Variants in CACNG2 observed in about 807,000 individuals in gnomAD.
CACNG2 encodes the protein voltage-dependent calcium channel gamma-2 subunit.
A neutral mutation model predicts 25.9 loss-of-function variants in CACNG2; 3 were observed. The observed-to-expected ratio is 0.12, with a 90% CI of 0.05 to 0.30. CACNG2 has a LOEUF of 0.30. CACNG2 is among the 10% of genes least tolerant of loss of function. CACNG2 has a pLI of 1.00. For synonymous variants in CACNG2, 167 were observed against 173.3 expected, an observed-to-expected ratio of 0.96 and a Z score of 0.29; for missense variants, 341 against 432.5, an observed-to-expected ratio of 0.79 and a Z score of 1.88.
chr22:36,594,899 TGTGTGTGTGC>T (rs1488938499), intron 1 of CACNG2, among the ~76,000 whole-genome samples: 3 of 150,854 alleles, frequency 2.0e-5, no homozygotes, highest in Middle Eastern at 3.5e-3. Flanking sequence ...TGTACATGGG[TGTGTGTGTGC>T]ATGTGTGTGT....
At chr22:36,577,392 C>A (rs901211392) in intron 2 of CACNG2, among the ~76,000 whole-genome samples, 3 of 152,088 alleles carry the variant, frequency 2.0e-5, no homozygotes, top group Admixed American at 6.5e-5. Context: ...TGGTTCACAC[C>A]TGTAATCCCA....
intron 1 of CACNG2, among the ~76,000 whole-genome samples, chr22:36,593,383 G>A (rs965019229): frequency 2.0e-5 from 3 of 152,184 alleles, no homozygotes; most frequent in South Asian, 2.1e-4. Flanking sequence ...GCGGCCATGA[G>A]GGAGTCGGAC....
chr22:36,671,215 C>A (rs1377569788), intron 1 of CACNG2, among the ~76,000 whole-genome samples: 1 of 152,176 alleles, frequency 6.6e-6, no homozygotes, highest in Non-Finnish European at 1.5e-5. Flanking sequence ...CTGCACCCAG[C>A]CAATCTCTTT....
chr22:36,689,534 G>A (rs371787518), intron 1 of CACNG2, among the ~76,000 whole-genome samples: 4 of 152,162 alleles, frequency 2.6e-5, no homozygotes, highest in African/African-American at 9.7e-5. Flanking sequence ...AGTTAATTCA[G>A]GTCTGACCAT....
At chr22:36,588,668 A>C (rs1935541976) in intron 1 of CACNG2, among the ~76,000 whole-genome samples, 1 of 152,156 alleles carries the variant, frequency 6.6e-6, no homozygotes, top group African/African-American at 2.4e-5. Context: ...CAGTGTCCTC[A>C]CCTGAGAGTG....
At chr22:36,692,531 C>T (rs532563329) in intron 1 of CACNG2, among the ~76,000 whole-genome samples, 2 of 152,370 alleles carry the variant, frequency 1.3e-5, no homozygotes, top group East Asian at 1.9e-4. Context: ...GCAGGGGAAA[C>T]ACCTGCTTGT....
intron 2 of CACNG2, among the ~76,000 whole-genome samples, chr22:36,583,787 G>T (rs1569020416): frequency 6.6e-6 from 1 of 152,102 alleles, no homozygotes; most frequent in East Asian, 1.9e-4. Context: ...CAGCCAGGCT[G>T]ATGTGTCTAA....
At chr22:36,676,123 TATCTCTTAGG>T (rs1937017147) in intron 1 of CACNG2, among the ~76,000 whole-genome samples, 1 of 152,198 alleles carries the variant, frequency 6.6e-6, no homozygotes, top group Admixed American at 6.5e-5. Flanking sequence ...CCCACAGCGC[TATCTCTTAGG>T]AGGGCCAGCC....
Position 36,565,463 on chromosome 22 carries a change from C to G in CACNG2, c.437-577G>C, listed in dbSNP as rs537028398. Reference sequence around the variant, plus strand: ...TTAAATGGGTGAATACATGTGAGTACTCTTAGATGTTGGTGGTTCCTTTTT... The same window carrying G: ...TTAAATGGGTGAATACATGTGAGTAGTCTTAGATGTTGGTGGTTCCTTTTT... On this transcript the variant is annotated intron_variant, in intron 3 of 3. Coordinates refer to ENST00000300105, the MANE Select transcript of CACNG2 (RefSeq NM_006078.5). 2.0e-5 allele frequency among the ~76,000 whole-genome samples: 3 copies of G among 151,274 alleles called. No homozygotes were observed. The South Asian group carries it at 6.3e-4, about 32-fold the overall frequency.
At chr22:36,643,482 A>G (rs62228790) in intron 1 of CACNG2, among the ~76,000 whole-genome samples, 10,482 of 46,118 alleles carry the variant, frequency 0.23, 408 homozygotes, top group East Asian at 0.47. Flanking sequence ...CTGTCTATCT[A>G]TCTATCTATC....
In CACNG2 at chr22:36,621,690, A is replaced by G. The variant is rs1281963918; in HGVS notation, c.212-34142T>C. 7.9e-5 allele frequency among the ~76,000 whole-genome samples: 12 copies of G among 152,106 alleles called. 1 individual carries two copies. The South Asian group carries it at 2.5e-3, about 32-fold the overall frequency. On this transcript the variant is annotated intron_variant, in intron 1 of 3. Coordinates refer to ENST00000300105, the MANE Select transcript of CACNG2 (RefSeq NM_006078.5). ...CCTCTTGCCTTTCTGTTGCATGCAC[A>G]CACAGGCACTGTAGCACATACTCCC...
rs1569049750 is a variant in CACNG2, at chr22:36,679,163, TTCC to T, written c.211+23200_211+23202del. Among the ~76,000 whole-genome samples, 4 of 110,370 alleles carry T rather than the reference TTCC, an allele frequency of 3.6e-5. No homozygotes were observed. The East Asian group carries it at 1.0e-3, about 28-fold the overall frequency. The allele number at this position is 110,370 out of a possible 152,430, so 72.4% of individuals were successfully genotyped here. ...CTTCCTTCCTTCCTTCCTTCCTTCC[TTCC>T]TTCCTTCCTTCCTTCCTTCCTTCCT... is the stretch of plus-strand genomic sequence containing the variant. On this transcript the variant is annotated intron_variant, in intron 1 of 3. Coordinates refer to ENST00000300105, the MANE Select transcript of CACNG2 (RefSeq NM_006078.5).
In CACNG2 at chr22:36,659,500, TG is replaced by T. The variant is rs1936757189; in HGVS notation, c.211+42865del. Among the ~76,000 whole-genome samples the T allele has an allele frequency of 5.3e-5, 8 of 152,214 alleles. No individual in the cohort carries two copies. The South Asian group carries it at 1.5e-3, about 28-fold the overall frequency. Reference sequence around the variant, plus strand: ...AGGCAAATTACCTTGCCCAAGTTCATGAATCCAGGAAGGGTATGCCGTGGAG... The same window carrying T: ...AGGCAAATTACCTTGCCCAAGTTCATAATCCAGGAAGGGTATGCCGTGGAG... On this transcript the variant is annotated intron_variant, in intron 1 of 3. Transcript: ENST00000300105.
chr22:36,659,763 G>A (rs1269989379), intron 1 of CACNG2, among the ~76,000 whole-genome samples: 2 of 152,110 alleles, frequency 1.3e-5, no homozygotes, highest in Non-Finnish European at 2.9e-5. Context: ...TCAAATGCCA[G>A]CCTGTGCCAA....
At chr22:36,678,705 T>C (rs1372864551) in intron 1 of CACNG2, among the ~76,000 whole-genome samples, 1 of 147,774 alleles carries the variant, frequency 6.8e-6, no homozygotes, top group Admixed American at 6.8e-5. Flanking sequence ...TCCCCCTCCA[T>C]TTCCCCACGA....
intron 1 of CACNG2, among the ~76,000 whole-genome samples, chr22:36,647,377 C>A (rs1317444699): frequency 1.3e-5 from 2 of 152,116 alleles, no homozygotes; most frequent in Admixed American, 6.5e-5. Context: ...AGGTGGATCA[C>A]CTGAGGTCAA....
intron 1 of CACNG2, among the ~76,000 whole-genome samples, chr22:36,680,548 A>G (rs1937098529): frequency 7.5e-6 from 1 of 133,268 alleles, no homozygotes; most frequent in Non-Finnish European, 1.6e-5. Context: ...TCATGGTTAC[A>G]ATTACTACCA....
intron 1 of CACNG2, among the ~76,000 whole-genome samples, chr22:36,611,761 T>A (rs1243691380): frequency 6.6e-6 from 1 of 152,160 alleles, no homozygotes; most frequent in Non-Finnish European, 1.5e-5. Context: ...GTCTGTTCTG[T>A]CTGGTCAGGA....
At chr22:36,674,381 T>A (rs1296716702) in intron 1 of CACNG2, among the ~76,000 whole-genome samples, 1 of 152,144 alleles carries the variant, frequency 6.6e-6, no homozygotes, top group Non-Finnish European at 1.5e-5. Context: ...CAGGCTGGAG[T>A]GTAGTGGCAC....
Sources: allele counts gnomAD v4.1 joint callset (sites outside exome capture counted in the v4.1 genomes callset), GRCh38; gene constraint gnomAD v4.1.1; transcripts MANE v1.5; gene names NCBI Gene and HGNC (gene_info 2026-07-23, HGNC 2026-07-21).